The following SLC15A1 variants were observed in gnomAD, a reference collection of about 807,000 sequenced individuals.
SLC15A1 encodes Caco-2 oligopeptide transporter.
Under a neutral mutation model 92.9 loss-of-function variants are expected in SLC15A1, and 83 were observed. That is an observed-to-expected ratio of 0.89 (90% confidence interval 0.75 to 1.07). The LOEUF (loss-of-function observed/expected upper bound fraction) is 1.07, where lower values mean the gene tolerates loss of function less well. Among genes scored for constraint, SLC15A1 ranks in the 50% least tolerant of loss-of-function variants. The pLI, the probability that SLC15A1 is intolerant of heterozygous loss-of-function variation, is 0.00. For synonymous variants in SLC15A1, 322 were observed against 318.2 expected (o/e 1.01, Z -0.13); for missense variants, 857 against 880.1 (o/e 0.97, Z 0.33).
At chr13:98,742,827 G>C (rs2088459779) in intron 1 of SLC15A1, among the ~76,000 whole-genome samples, 1 of 152,240 alleles carries the variant, frequency 6.6e-6, no homozygotes, top group African/African-American at 2.4e-5. Flanking sequence ...CCAGGCTGCA[G>C]TGCAGTGGCA....
Position 98,687,500 on chromosome 13 carries a change from C to G in SLC15A1, c.1827+81G>C, listed in dbSNP as rs956455058. Reference sequence around the variant, plus strand: ...AGACTTTTTAAAAAATATAGTTATCCCAGATTTAAATTAAGTCCCATCAGC... The same window carrying G: ...AGACTTTTTAAAAAATATAGTTATCGCAGATTTAAATTAAGTCCCATCAGC... On this transcript the variant is annotated intron_variant, in intron 21 of 22. Transcript: ENST00000376503. 2.1e-5 allele frequency: 32 copies of G among 1,496,318 alleles called. No individual in the cohort carries two copies. The African/African-American group carries it at 4.1e-4, about 19-fold the overall frequency. The allele number at this position is 1,496,318 out of a possible 1,614,324, so 92.7% of individuals were successfully genotyped here. A position where few individuals can be genotyped will look rare whatever the true frequency, so the allele number is the denominator to read the frequency against.
At chr13:98,697,974 T>C (rs1013132052) in intron 18 of SLC15A1, among the ~76,000 whole-genome samples, 9 of 152,080 alleles carry the variant, frequency 5.9e-5, no homozygotes, top group Non-Finnish European at 1.2e-4. Flanking sequence ...CCCAGAATAA[T>C]AGTATAATTA....
At chr13:98,726,497 TC>T (rs1566454752) in intron 2 of SLC15A1, 48 bp from the exon 3 acceptor site, 1 of 1,549,876 alleles carries the variant, frequency 6.5e-7, no homozygotes, top group African/African-American at 1.4e-5. Flanking sequence ...CCCCCACTGG[TC>T]CATAGCCACA....
Position 98,684,858 on chromosome 13 carries a change from T to C in SLC15A1, c.1993A>G (p.Ile665Val), listed in dbSNP as rs144553892. 7.0e-3 allele frequency: 11,295 copies of C among 1,614,100 alleles called. 48 individuals carry two copies. Among genetic ancestry groups the C allele is most frequent in the Non-Finnish European group, 8.7e-3 (10,248 of 1,180,012 alleles). ...LLLVVCVIFAIMARFYTYINP... is the reference protein window; with the variant it reads ...LLLVVCVIFAVMARFYTYINP... ...ATGTAAGTATAGAACCGAGCCATGA[T>C]GGCAAAAATTACACAGACGACCAGA... The change falls in exon 23 of 23, where the codon ATC (isoleucine) becomes GTC (valine). Residue 665 changes from isoleucine to valine, a missense_variant. Coordinates refer to ENST00000376503, the MANE Select transcript of SLC15A1 (RefSeq NM_005073.4).
chr13:98,728,322 C>G (rs1259650289), intron 1 of SLC15A1, among the ~76,000 whole-genome samples: 2 of 152,022 alleles, frequency 1.3e-5, no homozygotes, highest in East Asian at 3.9e-4. Context: ...ATGACTTTGG[C>G]TTTTCGAGGC....
Position 98,721,867 on chromosome 13 carries a change from G to A in SLC15A1, c.402C>T (p.Leu134=), listed in dbSNP as rs1402126584. The change falls in exon 6 of 23, where the codon CTC becomes CTT. Residue 134 remains leucine (L), a synonymous_variant. Transcript: ENST00000376503. The part of the protein sequence containing the change: ...LSLIGLALIA[L]GTGGIKPCVS... ...CACAGGGTTTGATTCCTCCAGTCCC[G>A]AGAGCTATCAGGGCCAGGCCGATCA... 16 of 1,613,862 alleles carry A rather than the reference G, an allele frequency of 9.9e-6. No homozygotes were observed. In the East Asian group the frequency reaches 2.0e-4, roughly 20 times the overall value.
chr13:98,732,403 C>T (rs1216247697), intron 1 of SLC15A1, among the ~76,000 whole-genome samples: 1 of 151,498 alleles, frequency 6.6e-6, no homozygotes, highest in Non-Finnish European at 1.5e-5. Context: ...TTTCTTTTTG[C>T]TAAATAATTT....
chr13:98,692,424 G>A (rs1417523818), intron 18 of SLC15A1, among the ~76,000 whole-genome samples: 1 of 152,052 alleles, frequency 6.6e-6, no homozygotes, highest in Non-Finnish European at 1.5e-5. Flanking sequence ...CTCCCAAAGT[G>A]CTGGGATTAC....
Position 98,685,843 on chromosome 13 carries a change from G to A in SLC15A1, c.1935+347C>T, listed in dbSNP as rs375225066. On this transcript the variant is annotated intron_variant, in intron 22 of 22. Coordinates refer to ENST00000376503, the MANE Select transcript of SLC15A1 (RefSeq NM_005073.4). ...TCTACTAAAAATACAAACATTAGCC[G>A]GGTGTGGTGGTGGGTGCCTGTAGGC... is the stretch of plus-strand genomic sequence containing the variant. Among the ~76,000 whole-genome samples, 5 of 152,156 alleles carry A rather than the reference G, an allele frequency of 3.3e-5. No individual in the cohort carries two copies. The East Asian group carries it at 5.8e-4, about 18-fold the overall frequency.
intron 1 of SLC15A1, among the ~76,000 whole-genome samples, chr13:98,750,786 C>T (rs1434419320): frequency 6.7e-6 from 1 of 149,570 alleles, no homozygotes; most frequent in Non-Finnish European, 1.5e-5. Context: ...GAGTCTTACT[C>T]TGTCGCGGAG....
intron 1 of SLC15A1, among the ~76,000 whole-genome samples, chr13:98,732,776 AC>A (rs1404866003): frequency 1.3e-5 from 2 of 152,152 alleles, no homozygotes; most frequent in Admixed American, 6.6e-5. Flanking sequence ...TCCTACCATT[AC>A]CAAGAGTGAA....
rs747762266 is a variant in SLC15A1, at chr13:98,719,339, A to G, written c.557-19T>C. On this transcript the variant is annotated intron_variant, in intron 7 of 22. Coordinates refer to ENST00000376503, the MANE Select transcript of SLC15A1 (RefSeq NM_005073.4). ...TGTTGAACTGGGGAGAAATGACAAG[A>G]TTAAAATTGTTATGGCATTGGTAAT... The G allele has an allele frequency of 1.3e-6, 2 of 1,583,670 alleles. No homozygotes were observed. Among genetic ancestry groups the G allele is most frequent in the Admixed American group, 3.3e-5 (2 of 59,848 alleles).
chr13:98,742,289 GCCAGCC>G (rs1566460054), intron 1 of SLC15A1, among the ~76,000 whole-genome samples: 1 of 152,194 alleles, frequency 6.6e-6, no homozygotes, highest in Admixed American at 6.5e-5. Context: ...CCTACCTGTC[GCCAGCC>G]CCTGCTGCTA....
chr13:98,696,433 A>ACAAC (rs200510952), intron 18 of SLC15A1, among the ~76,000 whole-genome samples: 17 of 151,612 alleles, frequency 1.1e-4, no homozygotes, highest in Non-Finnish European at 1.9e-4. Flanking sequence ...AACAACAACA[A>ACAAC]AAAAAAACCC....
rs551585415 is a variant in SLC15A1, at chr13:98,750,996, C to A, written c.4+1599G>T. Among the ~76,000 whole-genome samples, 143 of 152,240 alleles carry A rather than the reference C, an allele frequency of 9.4e-4. 1 individual carries two copies. The highest frequency in any genetic ancestry group is 5.2e-3 in the Admixed American group (80 of 15,294). ...TCTCGAACTCCTGACCTCAGGTGATCCACCTGCCCTGGCCTCCCAAAGTGC... is the reference window on the plus strand; with the variant it reads ...TCTCGAACTCCTGACCTCAGGTGATACACCTGCCCTGGCCTCCCAAAGTGC... On this transcript the variant is annotated intron_variant, in intron 1 of 22. Transcript: ENST00000376503.
chr13:98,713,279 C>A (rs2088181873), intron 9 of SLC15A1, among the ~76,000 whole-genome samples: 1 of 151,868 alleles, frequency 6.6e-6, no homozygotes, highest in Admixed American at 6.6e-5. Context: ...CCAGACTGGT[C>A]TCAAATTCCT....
rs139005511 is a variant in SLC15A1 at position 98,690,676 on chromosome 13, A to G, written c.1467-2099T>C. The stretch of plus-strand genomic sequence containing the variant: ...TGGGAAATGCGTCCGGAGGCGATTC[A>G]GTGGTGATGGGAACCTCACAGCGGG... On this transcript the variant is annotated intron_variant, in intron 18 of 22. Transcript: ENST00000376503. Among the ~76,000 whole-genome samples, 567 of 152,284 alleles carry G rather than the reference A, an allele frequency of 3.7e-3. 5 individuals carry two copies. The highest frequency in any genetic ancestry group is 0.013 in the African/African-American group (549 of 41,562).
intron 18 of SLC15A1, among the ~76,000 whole-genome samples, chr13:98,693,377 C>A (rs1180521303): frequency 6.6e-6 from 1 of 152,136 alleles, no homozygotes; most frequent in Admixed American, 6.5e-5. Flanking sequence ...GGATTACAGG[C>A]GTGAGCCACT....
At position 98,688,578 on chromosome 13, in the gene SLC15A1, C is replaced by A. The variant is rs145763186; in HGVS notation, c.1467-1G>T. 29 of 1,608,484 alleles carry A rather than the reference C, an allele frequency of 1.8e-5. No individual in the cohort carries two copies. In the East Asian group the frequency reaches 6.5e-4, roughly 36 times the overall value. Reference sequence around the variant, plus strand: ...GAGCTCGTTAAAAGTATTTACAAATCTGAAACAGAAAACCATCTGTCTTGT... The same window carrying A: ...GAGCTCGTTAAAAGTATTTACAAATATGAAACAGAAAACCATCTGTCTTGT... On this transcript the variant is annotated splice_acceptor_variant, in intron 18 of 22. Transcript: ENST00000376503. LOFTEE classifies it high-confidence loss of function.
Sources: gnomAD v4.1 joint callset for allele counts (sites outside exome capture counted in the v4.1 genomes callset) on GRCh38, gnomAD v4.1.1 for gene constraint, MANE v1.5 for transcripts, NCBI Gene and HGNC (gene_info 2026-07-23, HGNC 2026-07-21) for gene names.